Variants in SLC24A2 observed in about 807,000 individuals in gnomAD.
The protein encoded by SLC24A2 is sodium/potassium/calcium exchanger 2.
In SLC24A2, 36 loss-of-function variants were observed where a neutral mutation model predicts 62.0. The ratio of observed to expected loss-of-function variants is 0.58; its 90% CI spans 0.44 to 0.77. SLC24A2 has a LOEUF of 0.77. Ranked by LOEUF, SLC24A2 falls within the 30% of genes least tolerant of loss-of-function variation. The pLI is 0.00. For synonymous variants in SLC24A2, 358 were observed against 294.0 expected, an observed-to-expected ratio of 1.22 and a Z score of -2.23; for missense variants, 846 against 817.9, an observed-to-expected ratio of 1.03 and a Z score of -0.42.
At chr9:19,668,575 A>G (rs560255459) in intron 2 of SLC24A2, among the ~76,000 whole-genome samples, 2 of 152,282 alleles carry the variant, frequency 1.3e-5, no homozygotes, top group South Asian at 2.1e-4. Context: ...TTTTTGAGAC[A>G]GGGTCTCCCT....
chr9:19,566,266 C>T (rs969039526), intron 7 of SLC24A2, among the ~76,000 whole-genome samples: 11 of 149,350 alleles, frequency 7.4e-5, no homozygotes, highest in Admixed American at 6.0e-4. Context: ...AACAAATTTA[C>T]AAGAAAAAAA....
At chr9:19,832,614 G>A in the SLC24A2 span, among the ~76,000 whole-genome samples, 1 of 152,126 alleles carries the variant, frequency 6.6e-6, no homozygotes, top group Non-Finnish European at 1.5e-5. Flanking sequence ...AGACTTAAAT[G>A]TTACACCTAA....
At chr9:20,188,400 T>C in the SLC24A2 span, among the ~76,000 whole-genome samples, 1 of 152,130 alleles carries the variant, frequency 6.6e-6, no homozygotes, top group Admixed American at 6.5e-5. Flanking sequence ...AGTAACACTT[T>C]AGGGATCATT....
chr9:19,893,420 C>T, the SLC24A2 span, among the ~76,000 whole-genome samples: 5 of 152,270 alleles, frequency 3.3e-5, no homozygotes, highest in Admixed American at 1.3e-4. Flanking sequence ...ATCAGTACCT[C>T]CCTATTGGTG....
chr9:20,165,820 TA>T, the SLC24A2 span, among the ~76,000 whole-genome samples: 4 of 151,692 alleles, frequency 2.6e-5, no homozygotes, highest in Non-Finnish European at 5.9e-5. Context: ...GGTTTTTGCA[TA>T]AAAAATAAAC....
chr9:19,897,707 A>T, the SLC24A2 span, among the ~76,000 whole-genome samples: 1 of 152,102 alleles, frequency 6.6e-6, no homozygotes, highest in Non-Finnish European at 1.5e-5. Flanking sequence ...ATCGTCAATA[A>T]CCCCATGAGG....
the SLC24A2 span, among the ~76,000 whole-genome samples, chr9:19,968,290 C>T: frequency 8.5e-5 from 13 of 152,310 alleles, no homozygotes; most frequent in Admixed American, 2.6e-4. Flanking sequence ...GACTCTGAAA[C>T]ACAGCAGCTT....
At chr9:19,960,805 A>G in the SLC24A2 span, among the ~76,000 whole-genome samples, 1 of 152,164 alleles carries the variant, frequency 6.6e-6, no homozygotes, top group Admixed American at 6.5e-5. Context: ...AGTAGTATTT[A>G]CTTCACAGGG....
intron 2 of SLC24A2, among the ~76,000 whole-genome samples, chr9:19,729,145 A>G (rs1235997094): frequency 6.6e-6 from 1 of 152,228 alleles, no homozygotes; most frequent in East Asian, 1.9e-4. Flanking sequence ...AATGCTCCAC[A>G]TCACTGATCA....
the SLC24A2 span, among the ~76,000 whole-genome samples, chr9:20,244,254 G>A: frequency 6.6e-6 from 1 of 152,170 alleles, no homozygotes; most frequent in Non-Finnish European, 1.5e-5. Flanking sequence ...CTATGGGCCA[G>A]ACACTAAAAT....
the SLC24A2 span, among the ~76,000 whole-genome samples, chr9:19,833,036 A>G: frequency 3.3e-5 from 5 of 152,172 alleles, no homozygotes; most frequent in Admixed American, 6.5e-5. Context: ...CAAAACCACA[A>G]TGAGATACCA....
At chr9:19,593,284 G>A (rs1037603803) in intron 5 of SLC24A2, among the ~76,000 whole-genome samples, 6 of 152,118 alleles carry the variant, frequency 3.9e-5, no homozygotes, top group Non-Finnish European at 5.9e-5. Flanking sequence ...AATCTCCTCC[G>A]CTCTGCCCCC....
At chr9:20,286,262 A>G in the SLC24A2 span, among the ~76,000 whole-genome samples, 220 of 152,274 alleles carry the variant, frequency 1.4e-3, 1 homozygote, top group African/African-American at 4.9e-3. Context: ...ATGAAGGCTT[A>G]TTTTTCTCAT....
chr9:19,683,169 A>G (rs936319988), intron 2 of SLC24A2, among the ~76,000 whole-genome samples: 4 of 152,086 alleles, frequency 2.6e-5, no homozygotes, highest in Non-Finnish European at 4.4e-5. Flanking sequence ...TTGAACACTT[A>G]CTGTATGCTA....
chr9:19,686,109 C>G (rs751524106), intron 2 of SLC24A2, among the ~76,000 whole-genome samples: 1 of 152,060 alleles, frequency 6.6e-6, no homozygotes, highest in Non-Finnish European at 1.5e-5. Context: ...AGGACATGAA[C>G]AGACACTTTT....
At chr9:19,916,988 T>G in the SLC24A2 span, among the ~76,000 whole-genome samples, 1 of 147,164 alleles carries the variant, frequency 6.8e-6, no homozygotes, top group South Asian at 2.2e-4. Flanking sequence ...CCTGTTTTTT[T>G]TTTTTTTTTT....
At chr9:19,733,998 G>A (rs902580120) in intron 2 of SLC24A2, among the ~76,000 whole-genome samples, 3 of 152,166 alleles carry the variant, frequency 2.0e-5, no homozygotes, top group African/African-American at 7.2e-5. Flanking sequence ...TAATTATGAT[G>A]ATAGAGGCAA....
At chr9:20,031,971 A>G in the SLC24A2 span, among the ~76,000 whole-genome samples, 1 of 152,210 alleles carries the variant, frequency 6.6e-6, no homozygotes, top group East Asian at 1.9e-4. Context: ...CAGAGAACCT[A>G]GAGTTGAGAG....
At chr9:20,140,969 T>G in the SLC24A2 span, among the ~76,000 whole-genome samples, 1 of 152,110 alleles carries the variant, frequency 6.6e-6, no homozygotes, top group East Asian at 1.9e-4. Flanking sequence ...TCTCGCCTCC[T>G]GAAAAACTGA....
Sources: allele counts gnomAD v4.1 joint callset (sites outside exome capture counted in the v4.1 genomes callset), GRCh38; gene constraint gnomAD v4.1.1; transcripts MANE v1.5; gene names NCBI Gene and HGNC (gene_info 2026-07-23, HGNC 2026-07-21).